Variants in ITGA11 observed in about 807,000 individuals in gnomAD.
ITGA11 encodes integrin subunit alpha 11.
ITGA11 carries 97 observed loss-of-function variants against 141.9 expected under a neutral mutation model. The ratio of observed to expected loss-of-function variants is 0.68; its 90% CI spans 0.58 to 0.81. The LOEUF is 0.81. Ranked by LOEUF, ITGA11 falls within the 30% of genes least tolerant of loss-of-function variation. The pLI is 0.00. For missense variants in ITGA11, 1,387 were observed against 1,559.2 expected (o/e 0.89, Z 1.86); for synonymous variants, 658 against 624.6 (o/e 1.05, Z -0.80).
In ITGA11 at chr15:68,302,015, T is replaced by C. The variant is rs138965769; in HGVS notation, c.*1044A>G. On this transcript the variant is annotated 3_prime_UTR_variant, in exon 30 of 30. Coordinates refer to ENST00000315757, the MANE Select transcript of ITGA11 (RefSeq NM_001004439.2). ...CCCCTCAACAGCGCTGGCCAAGCCCTTCCCTGTGCACTGGCGGGCATGAGG... is the reference window on the plus strand; with the variant it reads ...CCCCTCAACAGCGCTGGCCAAGCCCCTCCCTGTGCACTGGCGGGCATGAGG... 2 of 149,366 alleles carry C rather than the reference T, an allele frequency of 1.3e-5. No homozygotes were observed. Among genetic ancestry groups the C allele is most frequent in the Non-Finnish European group, 2.9e-5 (2 of 68,862 alleles). 9.3% of individuals were successfully genotyped at this position (149,366 alleles called of 1,614,324 possible).
At chr15:68,336,970 C>G (rs1161322207) in intron 11 of ITGA11, among the ~76,000 whole-genome samples, 1 of 152,184 alleles carries the variant, frequency 6.6e-6, no homozygotes, top group African/African-American at 2.4e-5. Context: ...TGAGGCTTGA[C>G]AGGTCCATAA....
At chr15:68,421,323 G>A (rs1897012314) in intron 1 of ITGA11, among the ~76,000 whole-genome samples, 1 of 152,218 alleles carries the variant, frequency 6.6e-6, no homozygotes, top group Non-Finnish European at 1.5e-5. Flanking sequence ...CAGCCCGGAG[G>A]CCCCAGGGGT....
At position 68,328,303 on chromosome 15, in the gene ITGA11, T is replaced by A. The variant is rs746911547; in HGVS notation, c.1902-41A>T. ...CAGTGAGCTGGGGTGGGGCAGGGGC[T>A]CAGGCTGCCCTGCTGTGACCATGGG... On this transcript the variant is annotated intron_variant, in intron 15 of 29. Coordinates refer to ENST00000315757, the MANE Select transcript of ITGA11 (RefSeq NM_001004439.2). This position sits in a 1 kb window ranked among gnomAD's most constrained non-coding sequence, Gnocchi z 4.8. 6.3e-7 allele frequency: 1 copy of A among 1,577,322 alleles called. No individual in the cohort carries two copies. The highest frequency in any genetic ancestry group is 1.7e-5 in the Admixed American group (1 of 58,564).
chr15:68,372,576 C>A (rs985918569), intron 2 of ITGA11, among the ~76,000 whole-genome samples: 1 of 152,254 alleles, frequency 6.6e-6, no homozygotes, highest in Non-Finnish European at 1.5e-5. Context: ...GGGCAACAGA[C>A]ATTCCAGCCA....
rs747939572 is a variant in ITGA11, at chr15:68,313,792, C to CGTCA, written c.2865_2868dup (p.Val957Ter). ...AGCCCGGCCCACCTGGTGAAGAGGA[C>CGTCA]GTCAGCCTCGTATTTGAGGTGGAAG... On this transcript the variant is annotated stop_gained and frameshift_variant, in exon 23 of 30. Coordinates refer to ENST00000315757, the MANE Select transcript of ITGA11 (RefSeq NM_001004439.2). LOFTEE classifies it high-confidence loss of function. The CGTCA allele has an allele frequency of 6.2e-7, 1 of 1,613,824 alleles. No homozygotes were observed. The highest frequency in any genetic ancestry group is 8.5e-7 in the Non-Finnish European group (1 of 1,179,812).
At chr15:68,425,297 T>C (rs1358266829) in intron 1 of ITGA11, among the ~76,000 whole-genome samples, 2 of 152,226 alleles carry the variant, frequency 1.3e-5, no homozygotes, top group East Asian at 3.8e-4. Flanking sequence ...TGCCCTGCTG[T>C]GGCCATCTAG....
At chr15:68,309,309 G>C (rs1005845010) in intron 26 of ITGA11, among the ~76,000 whole-genome samples, 1 of 152,210 alleles carries the variant, frequency 6.6e-6, no homozygotes, top group Non-Finnish European at 1.5e-5. Context: ...TATTATGACA[G>C]TGTTGTGAGA....
At chr15:68,306,756 G>A (rs116407905) in intron 28 of ITGA11, among the ~76,000 whole-genome samples, 2,105 of 152,298 alleles carry the variant, frequency 0.014, 47 homozygotes, top group African/African-American at 0.048. Context: ...ATCTCCCTGG[G>A]GTGGTGTTGG....
At chr15:68,374,415 G>A (rs2140367574) in intron 2 of ITGA11, among the ~76,000 whole-genome samples, 1 of 152,286 alleles carries the variant, frequency 6.6e-6, no homozygotes, top group African/African-American at 2.4e-5. Flanking sequence ...AGGTTCCTTG[G>A]GCCAGCCTCA....
Position 68,304,816 on chromosome 15 carries a change from C to A in ITGA11, c.3382-931G>T, listed in dbSNP as rs1013578147. Among the ~76,000 whole-genome samples, 3 of 152,236 alleles carry A rather than the reference C, an allele frequency of 2.0e-5. No individual in the cohort carries two copies. Among genetic ancestry groups the A allele is most frequent in the Non-Finnish European group, 2.9e-5 (2 of 68,044 alleles). Reference sequence around the variant, plus strand: ...TATCCATCACTGACCCTAACTCTCACACCCACACGGAGCCCAGCAGCAAAG... The same window carrying A: ...TATCCATCACTGACCCTAACTCTCAAACCCACACGGAGCCCAGCAGCAAAG... On this transcript the variant is annotated intron_variant, in intron 28 of 29. Transcript: ENST00000315757. This position sits in a 1 kb window ranked among gnomAD's most constrained non-coding sequence, Gnocchi z 6.1.
intron 3 of ITGA11, 57 bp from the exon 4 acceptor site, chr15:68,364,855 A>C: frequency 1.3e-6 from 2 of 1,522,386 alleles, no homozygotes; most frequent in Non-Finnish European, 9.1e-7. Context: ...CTCTGCCCAG[A>C]GCCTGCTGCT....
intron 1 of ITGA11, among the ~76,000 whole-genome samples, chr15:68,419,535 T>A (rs1322973639): frequency 6.6e-6 from 1 of 152,210 alleles, no homozygotes; most frequent in Non-Finnish European, 1.5e-5. Context: ...GCCAACCCCG[T>A]ACTGAGTGTA....
At position 68,304,926 on chromosome 15, in the gene ITGA11, G is replaced by A. The variant is rs1459895745; in HGVS notation, c.3382-1041C>T. 6.6e-6 allele frequency among the ~76,000 whole-genome samples: 1 copy of A among 152,232 alleles called. No homozygotes were observed. The highest frequency in any genetic ancestry group is 1.9e-4 in the East Asian group (1 of 5,202). The stretch of plus-strand genomic sequence containing the variant: ...TGAGTGCCCTCACATCTCCTCTGGA[G>A]ACTACAGCGCTGCCCGACTGCCTCC... On this transcript the variant is annotated intron_variant, in intron 28 of 29. Coordinates refer to ENST00000315757, the MANE Select transcript of ITGA11 (RefSeq NM_001004439.2). This position sits in a 1 kb window ranked among gnomAD's most constrained non-coding sequence, Gnocchi z 6.1.
intron 19 of ITGA11, 63 bp from the exon 20 acceptor site, chr15:68,320,455 G>C: frequency 1.4e-6 from 2 of 1,447,038 alleles, no homozygotes; most frequent in South Asian, 2.5e-5. Flanking sequence ...GTAGAGAGGA[G>C]CCCCAGGGTT....
In ITGA11 at chr15:68,411,618, G is replaced by A. The variant is rs1595896514; in HGVS notation, c.53-8589C>T. Among the ~76,000 whole-genome samples the A allele has an allele frequency of 4.6e-5, 7 of 152,332 alleles. 1 individual carries two copies. Among genetic ancestry groups the A allele is most frequent in the Admixed American group, 4.6e-4 (7 of 15,306 alleles). On this transcript the variant is annotated intron_variant, in intron 1 of 29. Transcript: ENST00000315757. ...TCCCAAGTCACACATCTAGTGGGTG[G>A]CAGAGCTGGGATACAAAAACAAGTG...
At chr15:68,410,743 A>C (rs1043309792) in intron 1 of ITGA11, among the ~76,000 whole-genome samples, 2 of 152,138 alleles carry the variant, frequency 1.3e-5, no homozygotes, top group Admixed American at 6.5e-5. Flanking sequence ...GCATTGCTGG[A>C]GGCCCAAGGA....
rs1431154658 is a variant in ITGA11 at position 68,303,460 on chromosome 15, C to CT, written c.3495+311dup. 6.6e-6 allele frequency among the ~76,000 whole-genome samples: 1 copy of CT among 151,866 alleles called. No homozygotes were observed. Among genetic ancestry groups the CT allele is most frequent in the East Asian group, 1.9e-4 (1 of 5,188 alleles). On this transcript the variant is annotated intron_variant, in intron 29 of 29. Coordinates refer to ENST00000315757, the MANE Select transcript of ITGA11 (RefSeq NM_001004439.2). The surrounding 1 kb of genome is among the most constrained non-coding windows in gnomAD (Gnocchi z 5.3). ...CCAGAGCTTCAGAGACAGAGATGGA[C>CT]TTCGGGAGGTTTGTTAACAGCTTGA... is the stretch of plus-strand genomic sequence containing the variant.
rs1894305540 is a variant in ITGA11, at chr15:68,335,128, G to A, written c.1425+569C>T. On this transcript the variant is annotated intron_variant, in intron 12 of 29. Coordinates refer to ENST00000315757, the MANE Select transcript of ITGA11 (RefSeq NM_001004439.2). The surrounding 1 kb of genome is among the most constrained non-coding windows in gnomAD (Gnocchi z 4.9). The stretch of plus-strand genomic sequence containing the variant: ...AGCACTCAGCTCTGGCCTAGAGAGG[G>A]CACAGATGCTGCTGGTTAGGAGGAG... Among the ~76,000 whole-genome samples, 1 of 152,156 alleles carries A rather than the reference G, an allele frequency of 6.6e-6. No homozygotes were observed. Among genetic ancestry groups the A allele is most frequent in the Non-Finnish European group, 1.5e-5 (1 of 68,032 alleles).
chr15:68,430,404 G>C (rs938775466), intron 1 of ITGA11, among the ~76,000 whole-genome samples: 2 of 152,174 alleles, frequency 1.3e-5, no homozygotes, highest in Non-Finnish European at 2.9e-5. Flanking sequence ...TGGAAAGGTC[G>C]CATAACCAGT....
Sources: gnomAD v4.1 joint callset for allele counts (sites outside exome capture counted in the v4.1 genomes callset) on GRCh38, gnomAD v4.1.1 for gene constraint, Gnocchi (gnomAD v3.1) non-coding constraint, MANE v1.5 for transcripts, NCBI Gene and HGNC (gene_info 2026-07-23, HGNC 2026-07-21) for gene names.